The following SLC26A7 variants were observed in gnomAD, a reference collection of about 807,000 sequenced individuals.
The protein encoded by SLC26A7 is solute carrier family 26 member 7, also known as anion exchange transporter.
A neutral mutation model predicts 82.5 loss-of-function variants in SLC26A7; 59 were observed. The observed-to-expected ratio is 0.72, with a 90% CI of 0.58 to 0.89. The LOEUF is 0.89. Ranked by LOEUF, SLC26A7 falls within the 40% of genes least tolerant of loss-of-function variation. The probability of loss-of-function intolerance (pLI) is 0.00; values close to 1 mark genes in which losing one functional copy is unlikely to be tolerated. For missense variants in SLC26A7, 820 were observed against 793.0 expected (o/e 1.03, Z -0.41); for synonymous variants, 271 against 274.3 (o/e 0.99, Z 0.12).
intron 15 of SLC26A7, among the ~76,000 whole-genome samples, chr8:91,384,830 G>A (rs918541403): frequency 2.0e-5 from 3 of 152,094 alleles, no homozygotes; most frequent in Non-Finnish European, 4.4e-5. Context: ...ATATGTGCAC[G>A]TGTTTTCCAA....
rs768677858 is a variant in SLC26A7 at position 91,338,198 on chromosome 8, T to A, written c.844T>A (p.Tyr282Asn). 1 of 1,610,700 alleles carries A rather than the reference T, an allele frequency of 6.2e-7. No individual in the cohort carries two copies. The highest frequency in any genetic ancestry group is 1.7e-5 in the Admixed American group (1 of 59,540). Residue 282 changes from tyrosine to asparagine, a missense_variant, in exon 7 of 19, where the codon TAT becomes AAT. By Grantham distance (143) the Tyr-to-Asn change is moderately radical. Coordinates refer to ENST00000276609, the MANE Select transcript of SLC26A7 (RefSeq NM_052832.4). ...ACYCTNMENT[Y>N]GLEVVGHIPQ... is the part of the protein sequence containing the mutation. ...TTATTGCACCAATATGGAAAACACA[T>A]ATGGATTAGAAGTAGTTGGTCATAT...
chr8:91,394,352 G>T, intron 18 of SLC26A7: 1 of 1,573,368 alleles, frequency 6.4e-7, no homozygotes, highest in Non-Finnish European at 8.6e-7. Context: ...CTGTCCTGGG[G>T]ACTTGAATCC....
At chr8:91,359,331 T>A (rs1476882723) in intron 11 of SLC26A7, among the ~76,000 whole-genome samples, 1 of 152,208 alleles carries the variant, frequency 6.6e-6, no homozygotes, top group Non-Finnish European at 1.5e-5. Context: ...TTCCATAGTT[T>A]CCGATTATAG....
chr8:91,265,752 G>A (rs1174515619), intron 2 of SLC26A7, among the ~76,000 whole-genome samples: 3 of 151,866 alleles, frequency 2.0e-5, no homozygotes, highest in African/African-American at 7.2e-5. Flanking sequence ...GATTTTCTTT[G>A]TGGGGTGTGT....
At chr8:91,232,127 A>G (rs541810423) in intron 2 of SLC26A7, among the ~76,000 whole-genome samples, 12 of 152,340 alleles carry the variant, frequency 7.9e-5, no homozygotes, top group African/African-American at 2.9e-4. Flanking sequence ...TCCTGAATGT[A>G]TTTTTAAAGT....
At chr8:91,229,770 C>T (rs895779286) in intron 2 of SLC26A7, among the ~76,000 whole-genome samples, 16 of 152,168 alleles carry the variant, frequency 1.1e-4, no homozygotes, top group African/African-American at 3.1e-4. Flanking sequence ...TGTCCCTTCC[C>T]TGTAAGGTTG....
intron 1 of SLC26A7, among the ~76,000 whole-genome samples, chr8:91,217,685 G>C (rs1282618173): frequency 6.6e-6 from 1 of 152,164 alleles, no homozygotes; most frequent in Non-Finnish European, 1.5e-5. Flanking sequence ...AGGAGTGGTA[G>C]TTGCCCAAAG....
Position 91,396,905 on chromosome 8 carries a change from G to A in SLC26A7, c.*1808G>A, listed in dbSNP as rs955297216. 1.3e-5 allele frequency: 2 copies of A among 152,138 alleles called. No homozygotes were observed. The highest frequency in any genetic ancestry group is 4.8e-5 in the African/African-American group (2 of 41,564). The allele number at this position is 152,138 out of a possible 1,614,324, so 9.4% of individuals were successfully genotyped here. ...AAAGTCAAAAATGAAAATATATTTT[G>A]CTGTGTATAAATTGATATTTTGCTA... is the stretch of plus-strand genomic sequence containing the variant. On this transcript the variant is annotated 3_prime_UTR_variant, in exon 19 of 19. Coordinates refer to ENST00000276609, the MANE Select transcript of SLC26A7 (RefSeq NM_052832.4).
intron 9 of SLC26A7, among the ~76,000 whole-genome samples, chr8:91,344,693 C>T (rs1813513163): frequency 1.3e-5 from 2 of 152,180 alleles, no homozygotes; most frequent in South Asian, 4.1e-4. Context: ...CACAGCTCAT[C>T]AGCTAAGAAG....
chr8:91,281,913 T>C (rs1222003517), intron 2 of SLC26A7, among the ~76,000 whole-genome samples: 1 of 152,226 alleles, frequency 6.6e-6, no homozygotes, highest in Non-Finnish European at 1.5e-5. Flanking sequence ...ATTGGAAAGT[T>C]GTACATCTTT....
At chr8:91,351,726 A>T in intron 9 of SLC26A7, 84 bp from the exon 10 acceptor site, 1 of 856,550 alleles carries the variant, frequency 1.2e-6, no homozygotes, top group Non-Finnish European at 1.9e-6. Flanking sequence ...TAAACTAAGA[A>T]TTATCCCCCC....
intron 2 of SLC26A7, among the ~76,000 whole-genome samples, chr8:91,259,814 T>A (rs1810912540): frequency 6.6e-6 from 1 of 152,122 alleles, no homozygotes; most frequent in South Asian, 2.1e-4. Context: ...CAGTCTCTTG[T>A]GGCACTGAAA....
chr8:91,386,784 A>C (rs1814811317), intron 15 of SLC26A7, among the ~76,000 whole-genome samples: 1 of 152,180 alleles, frequency 6.6e-6, no homozygotes, highest in Non-Finnish European at 1.5e-5. Flanking sequence ...TGCTGTCATT[A>C]AGCATGGAAG....
At chr8:91,392,624 C>A (rs73694629) in intron 16 of SLC26A7, among the ~76,000 whole-genome samples, 1 of 152,124 alleles carries the variant, frequency 6.6e-6, no homozygotes, top group African/African-American at 2.4e-5. Flanking sequence ...GCCCTGCATG[C>A]CTTCATGCTT....
chr8:91,389,493 G>A (rs1814895575), intron 16 of SLC26A7, 55 bp downstream of exon 16: 1 of 1,228,198 alleles, frequency 8.1e-7, no homozygotes, highest in Non-Finnish European at 1.2e-6. Flanking sequence ...CAGTAACAGG[G>A]GTTTTCACCA....
intron 4 of SLC26A7, among the ~76,000 whole-genome samples, chr8:91,301,239 T>C (rs1428432101): frequency 1.3e-5 from 2 of 152,220 alleles, no homozygotes; most frequent in Non-Finnish European, 2.9e-5. Context: ...CTCAATGTTT[T>C]ACTTTCTTCT....
At chr8:91,338,420 G>A (rs544296949) in intron 7 of SLC26A7, among the ~76,000 whole-genome samples, 188 bp downstream of exon 7, 1 of 152,202 alleles carries the variant, frequency 6.6e-6, no homozygotes, top group African/African-American at 2.4e-5. Flanking sequence ...CTCTTACTAA[G>A]GATGTTGATA....
At chr8:91,241,950 C>G (rs1052738639) in intron 2 of SLC26A7, among the ~76,000 whole-genome samples, 10 of 152,066 alleles carry the variant, frequency 6.6e-5, no homozygotes, top group Non-Finnish European at 1.3e-4. Context: ...TGAATTTTCC[C>G]TAGTTTTGAA....
chr8:91,283,674 T>G (rs1157268068), intron 2 of SLC26A7, among the ~76,000 whole-genome samples: 1 of 152,200 alleles, frequency 6.6e-6, no homozygotes, highest in African/African-American at 2.4e-5. Flanking sequence ...AGGCTTAAGT[T>G]TTTAAATGCA....
Sources: gnomAD v4.1 joint callset for allele counts (sites outside exome capture counted in the v4.1 genomes callset) on GRCh38, gnomAD v4.1.1 for gene constraint, MANE v1.5 for transcripts, NCBI Gene and HGNC (gene_info 2026-07-23, HGNC 2026-07-21) for gene names.